CRTAC1: variants seen among roughly 807,000 people sequenced by gnomAD.
CRTAC1 encodes the protein acidic secreted protein in cartilage.
CRTAC1 carries 37 observed loss-of-function variants against 67.8 expected under a neutral mutation model. The observed-to-expected ratio is 0.55, with a 90% CI of 0.42 to 0.72. The LOEUF is 0.72. CRTAC1 is among the 30% of genes least tolerant of loss of function. The pLI, the probability that CRTAC1 is intolerant of heterozygous loss-of-function variation, is 0.00. For missense variants in CRTAC1, 780 were observed against 931.6 expected, an observed-to-expected ratio of 0.84 and a Z score of 2.12; for synonymous variants, 348 against 371.0, an observed-to-expected ratio of 0.94 and a Z score of 0.71.
chr10:97,935,929 G>T (rs2051078924), intron 3 of CRTAC1, among the ~76,000 whole-genome samples: 1 of 152,142 alleles, frequency 6.6e-6, no homozygotes, highest in Non-Finnish European at 1.5e-5. Flanking sequence ...GAGAGACTCG[G>T]TCTCTGCTCA....
At position 97,975,349 on chromosome 10, in the gene CRTAC1, T is replaced by A. The variant is rs2051782893; in HGVS notation, c.224+35789A>T. On this transcript the variant is annotated intron_variant, in intron 2 of 14. Transcript: ENST00000370597. This position sits in a 1 kb window ranked among gnomAD's most constrained non-coding sequence, Gnocchi z 4.8. ...GCCGGTTCCTGACCCGCCTCCTGGC[T>A]GGAGGGTTCAAAAGACTTCAGACCT... Among the ~76,000 whole-genome samples the A allele has an allele frequency of 6.6e-6, 1 of 151,826 alleles. No homozygotes were observed. The highest frequency in any genetic ancestry group is 1.5e-5 in the Non-Finnish European group (1 of 67,924).
Position 97,880,294 on chromosome 10 carries a change from A to C in CRTAC1, c.1774T>G (p.Cys592Gly), listed in dbSNP as rs2050195249. 1.2e-6 allele frequency: 2 copies of C among 1,614,068 alleles called. No individual in the cohort carries two copies. The highest frequency in any genetic ancestry group is 4.5e-5 in the East Asian group (2 of 44,870). The change falls in exon 14 of 15, where the codon TGC becomes GGC. Residue 592 changes from cysteine to glycine, a missense_variant. Cys to Gly is a radical substitution (Grantham distance 159). Coordinates refer to ENST00000370597, the MANE Select transcript of CRTAC1 (RefSeq NM_018058.7). ...GSYRCRTNKK[C>G]SRGYEPNEDG... ...TCGTTGGGCTCGTAGCCCCGACTGC[A>C]CTTCTTGTTGGTCCGGCACCTGTAG...
intron 11 of CRTAC1, among the ~76,000 whole-genome samples, chr10:97,885,518 T>C (rs754613408): frequency 2.0e-5 from 3 of 152,210 alleles, no homozygotes; most frequent in Non-Finnish European, 4.4e-5. Context: ...TGCCACATCA[T>C]TGGTGGAAAG....
chr10:97,923,371 T>C lies in CRTAC1; in HGVS notation c.451A>G (p.Lys151Glu), dbSNP rs1027538267. Reference protein sequence around the residue: ...GVATYTDKLFKFRNNRWEDIL... With the variant: ...GVATYTDKLFEFRNNRWEDIL... Reference sequence around the variant, plus strand: ...TCTTCCCACCGGTTATTGCGGAACTTGAACAACTTGTCGGTGTACGTGGCC... The same window carrying C: ...TCTTCCCACCGGTTATTGCGGAACTCGAACAACTTGTCGGTGTACGTGGCC... Residue 151 changes from lysine to glutamate, a missense_variant, in exon 4 of 15, where the codon AAG becomes GAG. Lys to Glu is a moderately conservative substitution (Grantham distance 56). Transcript: ENST00000370597. The C allele has an allele frequency of 6.2e-7, 1 of 1,614,014 alleles. No individual in the cohort carries two copies. Among genetic ancestry groups the C allele is most frequent in the Non-Finnish European group, 8.5e-7 (1 of 1,180,024 alleles).
At chr10:97,924,531 G>A (rs1344743275) in intron 3 of CRTAC1, among the ~76,000 whole-genome samples, 1 of 152,188 alleles carries the variant, frequency 6.6e-6, no homozygotes, top group South Asian at 2.1e-4. Context: ...GAAATGATCT[G>A]GAGCCCCAGT....
chr10:97,895,424 G>T lies in CRTAC1; in HGVS notation c.1318-11C>A. 6.3e-7 allele frequency: 1 copy of T among 1,581,694 alleles called. No homozygotes were observed. On this transcript the variant is annotated splice_polypyrimidine_tract_variant and intron_variant, in intron 10 of 14. Coordinates refer to ENST00000370597, the MANE Select transcript of CRTAC1 (RefSeq NM_018058.7). The surrounding 1 kb of genome is among the most constrained non-coding windows in gnomAD (Gnocchi z 4.2). ...GTTGTTGTTGAAGCCCTGCAGAGAG[G>T]GTGAGAGGCAGACACCCGGTGGGCA...
intron 4 of CRTAC1, among the ~76,000 whole-genome samples, chr10:97,919,005 G>A (rs905879605): frequency 1.4e-5 from 2 of 139,550 alleles, no homozygotes; most frequent in Non-Finnish European, 1.5e-5. Context: ...GGCTGGTCTC[G>A]AACTTCTGAC....
chr10:97,972,401 A>C (rs987002844), intron 2 of CRTAC1, among the ~76,000 whole-genome samples: 2 of 152,236 alleles, frequency 1.3e-5, no homozygotes, highest in African/African-American at 4.8e-5. Context: ...AAGCAGCTAC[A>C]GGAAAGCAGG....
chr10:97,881,157 G>T (rs752568123), intron 13 of CRTAC1, among the ~76,000 whole-genome samples: 1 of 152,158 alleles, frequency 6.6e-6, no homozygotes, highest in Non-Finnish European at 1.5e-5. Flanking sequence ...ATCACATCAT[G>T]TCACTCCCCA....
At chr10:97,934,973 G>A (rs907716468) in intron 3 of CRTAC1, among the ~76,000 whole-genome samples, 2 of 136,678 alleles carry the variant, frequency 1.5e-5, no homozygotes, top group South Asian at 2.6e-4. Context: ...GGGTGGGGGG[G>A]AGCGGCGGGC....
intron 2 of CRTAC1, among the ~76,000 whole-genome samples, chr10:98,006,696 C>G (rs1436439593): frequency 6.6e-6 from 1 of 152,138 alleles, no homozygotes; most frequent in Non-Finnish European, 1.5e-5. Context: ...ACTACAAGGT[C>G]AACACATTCA....
At chr10:98,014,226 T>C (rs1842956191) in intron 1 of CRTAC1, among the ~76,000 whole-genome samples, 2 of 152,174 alleles carry the variant, frequency 1.3e-5, no homozygotes, top group Admixed American at 6.6e-5. Flanking sequence ...CGGCATCACT[T>C]AGGAGCTTGT....
chr10:97,981,909 C>T (rs1195584059), intron 2 of CRTAC1, among the ~76,000 whole-genome samples: 4 of 152,204 alleles, frequency 2.6e-5, no homozygotes, highest in Non-Finnish European at 5.9e-5. Flanking sequence ...TATTGGCCAT[C>T]TGCATCTCTT....
chr10:97,921,377 C>T (rs966021968), intron 4 of CRTAC1, among the ~76,000 whole-genome samples: 1 of 152,078 alleles, frequency 6.6e-6, no homozygotes, highest in Non-Finnish European at 1.5e-5. Context: ...GGCAGGGAGG[C>T]GGAAGGTAAA....
chr10:97,939,072 A>G (rs2051132346), intron 2 of CRTAC1, among the ~76,000 whole-genome samples: 1 of 152,198 alleles, frequency 6.6e-6, no homozygotes, highest in Non-Finnish European at 1.5e-5. Flanking sequence ...AGAAGCCACC[A>G]TAGAAGCCCA....
At chr10:97,893,538 C>G (rs1352746436) in intron 11 of CRTAC1, among the ~76,000 whole-genome samples, 1 of 152,148 alleles carries the variant, frequency 6.6e-6, no homozygotes, top group Non-Finnish European at 1.5e-5. Context: ...GACTTTTTCC[C>G]CAATTCCCCC....
chr10:97,866,876 G>A (rs893151472), intron 14 of CRTAC1: 2 of 152,420 alleles, frequency 1.3e-5, no homozygotes, highest in African/African-American at 4.8e-5. Context: ...GCCAACGACT[G>A]CTTCTCTGCA....
intron 8 of CRTAC1, among the ~76,000 whole-genome samples, chr10:97,900,339 C>A (rs1021116856): frequency 1.3e-5 from 2 of 152,206 alleles, no homozygotes; most frequent in Non-Finnish European, 2.9e-5. Flanking sequence ...TGTGATCTGG[C>A]CTATTTGGAA....
In CRTAC1 at chr10:98,005,100, A is replaced by ATATATATATAT; in HGVS notation, c.224+6037_224+6038insATATATATATA. Among the ~76,000 whole-genome samples, 21 of 48,888 alleles carry ATATATATATAT rather than the reference A, an allele frequency of 4.3e-4. 1 individual carries two copies. Among genetic ancestry groups the ATATATATATAT allele is most frequent in the African/African-American group, 2.3e-3 (20 of 8,690 alleles). The allele number at this position is 48,888 out of a possible 152,430, so 32.1% of individuals were successfully genotyped here. A position where few individuals can be genotyped will look rare whatever the true frequency, so the allele number is the denominator to read the frequency against. ...GTAATACATATATATATATATATATATTTTTTTTTTTTTTTTTTTTTGAGA... is the reference window on the plus strand; with the variant it reads ...GTAATACATATATATATATATATATATATATATATATTTTTTTTTTTTTTTTTTTTTTGAGA... On this transcript the variant is annotated intron_variant, in intron 2 of 14. Coordinates refer to ENST00000370597, the MANE Select transcript of CRTAC1 (RefSeq NM_018058.7).
Sources: allele counts gnomAD v4.1 joint callset (sites outside exome capture counted in the v4.1 genomes callset), GRCh38; gene constraint gnomAD v4.1.1; non-coding constraint Gnocchi (gnomAD v3.1); transcripts MANE v1.5; gene names NCBI Gene and HGNC (gene_info 2026-07-23, HGNC 2026-07-21).